Variants in CD53 observed in about 807,000 individuals in gnomAD.
The protein encoded by CD53 is CD53 molecule, also known as leukocyte surface antigen CD53.
Under a neutral mutation model 27.3 loss-of-function variants are expected in CD53, and 20 were observed. The ratio of observed to expected loss-of-function variants is 0.73; its 90% CI spans 0.52 to 1.07. The LOEUF is 1.07. Ranked by LOEUF, CD53 falls within the 50% of genes least tolerant of loss-of-function variation. CD53 has a pLI of 0.00. For synonymous variants in CD53, 106 were observed against 105.3 expected, an observed-to-expected ratio of 1.01 and a Z score of -0.04; for missense variants, 216 against 264.0, an observed-to-expected ratio of 0.82 and a Z score of 1.26.
At chr1:110,882,307 A>G (rs750131002) in intron 1 of CD53, among the ~76,000 whole-genome samples, 4 of 152,138 alleles carry the variant, frequency 2.6e-5, no homozygotes, top group Non-Finnish European at 5.9e-5. Flanking sequence ...TTTGCATATT[A>G]ATAGACAATT....
intron 1 of CD53, among the ~76,000 whole-genome samples, chr1:110,876,066 T>C (rs1656121557): frequency 6.6e-6 from 1 of 152,110 alleles, no homozygotes; most frequent in African/African-American, 2.4e-5. Context: ...AAAATGAGAG[T>C]GCTATATTCC....
intron 6 of CD53, chr1:110,897,542 C>T (rs1018403175): frequency 1.3e-5 from 4 of 303,674 alleles, no homozygotes; most frequent in East Asian, 1.2e-4. Flanking sequence ...TGACCTGCCT[C>T]TTAGAAGCTA....
intron 1 of CD53, among the ~76,000 whole-genome samples, chr1:110,890,423 C>T (rs1349744805): frequency 1.3e-5 from 2 of 152,008 alleles, no homozygotes; most frequent in South Asian, 2.1e-4. Flanking sequence ...AAAAATTATC[C>T]GGGCATGATG....
At chr1:110,880,870 G>A (rs571821063) in intron 1 of CD53, among the ~76,000 whole-genome samples, 1 of 152,248 alleles carries the variant, frequency 6.6e-6, no homozygotes, top group South Asian at 2.1e-4. Flanking sequence ...TGAGGGTTGG[G>A]TGTGAAGACT....
rs1342919183 is a variant in CD53 at position 110,899,155 on chromosome 1, A to G, written c.620A>G (p.Asn207Ser). Residue 207 changes from asparagine (N) to serine (S), a missense_variant, in exon 8 of 8, where the codon AAC becomes AGC. Transcript: ENST00000271324. ...GGGATGTCCTTTGCACTGACCCTGA[A>G]CTGCCAGATTGACAAAACCAGCCAG... ...VLGMSFALTLNCQIDKTSQTI... is the reference protein window; with the variant it reads ...VLGMSFALTLSCQIDKTSQTI... 3 of 1,613,958 alleles carry G rather than the reference A, an allele frequency of 1.9e-6. No homozygotes were observed. The South Asian group carries it at 3.3e-5, about 18-fold the overall frequency.
At chr1:110,881,659 G>A (rs1023890789) in intron 1 of CD53, among the ~76,000 whole-genome samples, 2 of 152,170 alleles carry the variant, frequency 1.3e-5, no homozygotes, top group African/African-American at 4.8e-5. Context: ...ATAAGTATAT[G>A]TTTAACTTTG....
intron 1 of CD53, among the ~76,000 whole-genome samples, chr1:110,886,302 CT>C (rs1201294391): frequency 6.6e-6 from 1 of 151,902 alleles, no homozygotes; most frequent in African/African-American, 2.4e-5. Context: ...ATCACTGTTC[CT>C]TGAGTACTTT....
chr1:110,881,678 G>A (rs187910067), intron 1 of CD53, among the ~76,000 whole-genome samples: 3 of 152,272 alleles, frequency 2.0e-5, no homozygotes, highest in East Asian at 3.9e-4. Flanking sequence ...TGTACAAAAC[G>A]AGCAAACTGC....
intron 7 of CD53, 25 bp downstream of exon 7, chr1:110,897,917 T>G: frequency 7.3e-7 from 1 of 1,374,384 alleles, no homozygotes; most frequent in Non-Finnish European, 1.0e-6. Context: ...ACAGGGTTAT[T>G]GTGAGGATTA....
intron 1 of CD53, among the ~76,000 whole-genome samples, chr1:110,877,151 A>C (rs1384484967): frequency 6.6e-6 from 1 of 152,134 alleles, no homozygotes; most frequent in East Asian, 1.9e-4. Context: ...TGTCTCCTTT[A>C]GTCTGGAACA....
At position 110,888,115 on chromosome 1, in the gene CD53, G is replaced by A. The variant is rs186288203; in HGVS notation, c.-17-3277G>A. Reference sequence around the variant, plus strand: ...GACTTTAGAAGCTGACAAACACAAGGAAACAAATTCTCTCCCTGAGCCCTT... The same window carrying A: ...GACTTTAGAAGCTGACAAACACAAGAAAACAAATTCTCTCCCTGAGCCCTT... On this transcript the variant is annotated intron_variant, in intron 1 of 7. Transcript: ENST00000271324. Among the ~76,000 whole-genome samples the A allele has an allele frequency of 1.5e-3, 221 of 152,302 alleles. 1 individual carries two copies. Among genetic ancestry groups the A allele is most frequent in the Admixed American group, 2.7e-3 (41 of 15,300 alleles).
chr1:110,897,782 A>G (rs1157039799), intron 6 of CD53, 27 bp from the exon 7 acceptor site: 2 of 1,392,798 alleles, frequency 1.4e-6, no homozygotes, highest in Non-Finnish European at 2.0e-6. Context: ...ATAGAGTAGT[A>G]TCATTTGTAA....
intron 1 of CD53, among the ~76,000 whole-genome samples, chr1:110,886,865 ATATAT>A (rs1435659125): frequency 1.1e-3 from 48 of 44,364 alleles, no homozygotes; most frequent in South Asian, 9.8e-3. Flanking sequence ...ATATATATAT[ATATAT>A]TTTTTTTTTC....
chr1:110,885,279 G>A (rs1234046036), intron 1 of CD53, among the ~76,000 whole-genome samples: 3 of 152,188 alleles, frequency 2.0e-5, no homozygotes, highest in African/African-American at 7.2e-5. Flanking sequence ...GGGCAGGCGC[G>A]GTGGCTCACG....
intron 3 of CD53, among the ~76,000 whole-genome samples, chr1:110,893,402 A>G (rs1656932782): frequency 6.6e-6 from 1 of 152,152 alleles, no homozygotes. Flanking sequence ...AGCTCACCAC[A>G]GCCTCCGCCT....
intron 1 of CD53, among the ~76,000 whole-genome samples, chr1:110,889,447 A>G (rs1656760931): frequency 6.6e-6 from 1 of 151,936 alleles, no homozygotes; most frequent in African/African-American, 2.4e-5. Context: ...TAACCCAGCT[A>G]CTCGGGAGGC....
At chr1:110,876,483 C>T (rs1313059704) in intron 1 of CD53, among the ~76,000 whole-genome samples, 1 of 152,070 alleles carries the variant, frequency 6.6e-6, no homozygotes, top group Non-Finnish European at 1.5e-5. Context: ...TTTTCCAAAC[C>T]TTTTTGTTTG....
intron 3 of CD53, 62 bp from the exon 4 acceptor site, chr1:110,894,265 C>G (rs1656969923): frequency 2.8e-6 from 4 of 1,423,258 alleles, no homozygotes; most frequent in Admixed American, 1.7e-5. Context: ...GCTCCCAGAG[C>G]TGAGTGGGAG....
At chr1:110,895,093 C>T in intron 5 of CD53, 38 bp downstream of exon 5, 1 of 1,465,336 alleles carries the variant, frequency 6.8e-7, no homozygotes, top group East Asian at 2.3e-5. Context: ...TCAGCCCAGA[C>T]TTCATTTTCA....
Sources: allele counts gnomAD v4.1 joint callset (sites outside exome capture counted in the v4.1 genomes callset), GRCh38; gene constraint gnomAD v4.1.1; transcripts MANE v1.5; gene names NCBI Gene and HGNC (gene_info 2026-07-23, HGNC 2026-07-21).